The following CTXND1 variants were observed in gnomAD, a reference collection of about 807,000 sequenced individuals.
CTXND1 encodes cortexin domain-containing 1 protein.
At position 80,196,260 on chromosome 15, in the gene CTXND1, C is replaced by T. The variant is rs540879316; in HGVS notation, c.*5510G>A. Reference sequence around the variant, plus strand: ...TATTCTTTCTGATAATTTTACAGAGCTTCCAGGTGAGATCTTCAAGGCCTC... The same window carrying T: ...TATTCTTTCTGATAATTTTACAGAGTTTCCAGGTGAGATCTTCAAGGCCTC... On this transcript the variant is annotated 3_prime_UTR_variant, in exon 3 of 3. Coordinates refer to ENST00000560778, the MANE Select transcript of CTXND1 (RefSeq NM_001352888.2). 6.6e-6 allele frequency: 1 copy of T among 151,944 alleles called. No homozygotes were observed. The highest frequency in any genetic ancestry group is 1.5e-5 in the Non-Finnish European group (1 of 67,972). 9.4% of individuals were successfully genotyped at this position (151,944 alleles called of 1,614,324 possible).
At chr15:80,222,103 A>G (rs1422278947) in intron 1 of CTXND1, among the ~76,000 whole-genome samples, 5 of 152,172 alleles carry the variant, frequency 3.3e-5, no homozygotes, top group African/African-American at 9.7e-5. Flanking sequence ...TATTCATTAA[A>G]TCAAGATTAT....
intron 1 of CTXND1, among the ~76,000 whole-genome samples, chr15:80,247,787 C>T (rs1454798691): frequency 6.6e-6 from 1 of 152,088 alleles, no homozygotes; most frequent in Non-Finnish European, 1.5e-5. Context: ...CAACTTTTCT[C>T]TGTTCTTCTG....
chr15:80,250,901 G>C (rs927086958), intron 1 of CTXND1, among the ~76,000 whole-genome samples: 3 of 152,164 alleles, frequency 2.0e-5, no homozygotes, highest in African/African-American at 7.2e-5. Context: ...GAGGGTGAGG[G>C]AAGTATAGAA....
rs1384421448 is a variant in CTXND1 at position 80,200,322 on chromosome 15, T to A, written c.*1448A>T. The A allele has an allele frequency of 2.0e-5, 3 of 152,228 alleles. No individual in the cohort carries two copies. Among genetic ancestry groups the A allele is most frequent in the Non-Finnish European group, 4.4e-5 (3 of 68,050 alleles). 9.4% of individuals were successfully genotyped at this position (152,228 alleles called of 1,614,324 possible). On this transcript the variant is annotated 3_prime_UTR_variant, in exon 3 of 3. Coordinates refer to ENST00000560778, the MANE Select transcript of CTXND1 (RefSeq NM_001352888.2). ...ACCTTGCGAGGTAGATGTTATTCCC[T>A]CACTTTACAGGTGAGGAAATTGGGG...
intron 1 of CTXND1, among the ~76,000 whole-genome samples, chr15:80,205,772 C>T (rs1039452698): frequency 2.6e-5 from 4 of 152,220 alleles, no homozygotes; most frequent in East Asian, 1.9e-4. Context: ...TCAGTTGAGG[C>T]GATGGATTTG....
intron 1 of CTXND1, among the ~76,000 whole-genome samples, chr15:80,207,008 A>G (rs536803103): frequency 3.9e-5 from 6 of 152,196 alleles, no homozygotes; most frequent in Non-Finnish European, 7.4e-5. Flanking sequence ...TCTCCCTTGA[A>G]GGGAATGTAT....
intron 1 of CTXND1, among the ~76,000 whole-genome samples, chr15:80,206,576 T>A (rs1159985932): frequency 6.6e-6 from 1 of 152,218 alleles, no homozygotes; most frequent in Non-Finnish European, 1.5e-5. Context: ...TTACTCTTAT[T>A]TTCTCTTCCA....
chr15:80,213,806 A>G (rs28605735), intron 1 of CTXND1, among the ~76,000 whole-genome samples: 114,686 of 152,058 alleles, frequency 0.75, 43,498 homozygotes, highest in East Asian at 0.9. Context: ...TTCTATATTC[A>G]GTGGTACTAT....
chr15:80,240,154 G>A (rs1436516382), intron 1 of CTXND1, among the ~76,000 whole-genome samples: 4 of 152,110 alleles, frequency 2.6e-5, no homozygotes, highest in Non-Finnish European at 5.9e-5. Flanking sequence ...TAGTAGAGAC[G>A]AGGTTTCTCC....
intron 1 of CTXND1, among the ~76,000 whole-genome samples, chr15:80,212,593 C>T (rs752231037): frequency 2.0e-5 from 3 of 152,076 alleles, no homozygotes; most frequent in East Asian, 1.9e-4. Context: ...ATGTGTCACT[C>T]GCAGATCCCC....
At chr15:80,210,942 G>C (rs1024996557) in intron 1 of CTXND1, among the ~76,000 whole-genome samples, 7 of 152,174 alleles carry the variant, frequency 4.6e-5, no homozygotes, top group African/African-American at 1.7e-4. Flanking sequence ...AATTTGATTT[G>C]ATTGGGACCC....
At chr15:80,246,459 C>G (rs1254241969) in intron 1 of CTXND1, among the ~76,000 whole-genome samples, 1 of 152,240 alleles carries the variant, frequency 6.6e-6, no homozygotes, top group Non-Finnish European at 1.5e-5. Flanking sequence ...TAAGCCTGGA[C>G]AGGGAAGCTT....
intron 1 of CTXND1, among the ~76,000 whole-genome samples, chr15:80,210,679 G>A (rs1386097925): frequency 6.6e-6 from 1 of 152,246 alleles, no homozygotes; most frequent in African/African-American, 2.4e-5. Context: ...CGCTTTCTAT[G>A]CTGATGTATT....
At chr15:80,223,499 G>A (rs1893341012) in intron 1 of CTXND1, among the ~76,000 whole-genome samples, 1 of 152,210 alleles carries the variant, frequency 6.6e-6, no homozygotes, top group Non-Finnish European at 1.5e-5. Context: ...GGACTATGAT[G>A]AATAGTGCTG....
At chr15:80,233,114 G>A (rs1472460026) in intron 1 of CTXND1, among the ~76,000 whole-genome samples, 1 of 151,858 alleles carries the variant, frequency 6.6e-6, no homozygotes, top group African/African-American at 2.4e-5. Flanking sequence ...GCTAATTTTT[G>A]TATTTTTAGT....
At chr15:80,237,676 T>C (rs1379308796) in intron 1 of CTXND1, among the ~76,000 whole-genome samples, 2 of 152,228 alleles carry the variant, frequency 1.3e-5, no homozygotes, top group Non-Finnish European at 2.9e-5. Flanking sequence ...TTGTACACTA[T>C]GTTTGTGTTT....
intron 1 of CTXND1, among the ~76,000 whole-genome samples, chr15:80,241,739 A>T (rs545864894): frequency 1.3e-5 from 2 of 152,228 alleles, no homozygotes; most frequent in Admixed American, 6.5e-5. Context: ...AGTCAGGCGC[A>T]CTGGCCCTTG....
At chr15:80,233,552 A>G (rs946411549) in intron 1 of CTXND1, among the ~76,000 whole-genome samples, 29 of 152,018 alleles carry the variant, frequency 1.9e-4, no homozygotes, top group African/African-American at 7.0e-4. Flanking sequence ...GGTTTCCTCT[A>G]ATGAGGAGAC....
intron 1 of CTXND1, among the ~76,000 whole-genome samples, chr15:80,224,944 A>G (rs943687732): frequency 6.6e-6 from 1 of 152,350 alleles, no homozygotes; most frequent in Non-Finnish European, 1.5e-5. Context: ...AGGTTTCGCC[A>G]TGTTGGCCAG....
Sources: gnomAD v4.1 joint callset for allele counts (sites outside exome capture counted in the v4.1 genomes callset) on GRCh38, gnomAD v4.1.1 for gene constraint, MANE v1.5 for transcripts, NCBI Gene and HGNC (gene_info 2026-07-23, HGNC 2026-07-21) for gene names.